The following LAD1 variants were observed in gnomAD, a reference collection of about 807,000 sequenced individuals.
LAD1 encodes the protein ladinin 1.
LAD1 carries 53 observed loss-of-function variants against 54.2 expected under a neutral mutation model. The ratio of observed to expected loss-of-function variants is 0.98; its 90% CI spans 0.78 to 1.23. LAD1 has a LOEUF of 1.23. Ranked by LOEUF, LAD1 falls within the 50% of genes most tolerant of loss-of-function variation. The pLI, the probability that LAD1 is intolerant of heterozygous loss-of-function variation, is 0.00. For synonymous variants in LAD1, 231 were observed against 257.7 expected (o/e 0.90, Z 0.99); for missense variants, 637 against 653.3 (o/e 0.98, Z 0.27).
intron 1 of LAD1, among the ~76,000 whole-genome samples, chr1:201,395,689 G>A (rs888497853): frequency 1.3e-5 from 2 of 152,260 alleles, no homozygotes; most frequent in Non-Finnish European, 2.9e-5. Flanking sequence ...AACCCAAGAG[G>A]TGGAGGTTGC....
chr1:201,392,262 T>C (rs1023131807), intron 1 of LAD1, among the ~76,000 whole-genome samples: 1 of 152,234 alleles, frequency 6.6e-6, no homozygotes, highest in African/African-American at 2.4e-5. Context: ...AAAATTACTT[T>C]TGAGGACCTA....
intron 1 of LAD1, among the ~76,000 whole-genome samples, chr1:201,398,940 T>C (rs1253007839): frequency 6.6e-6 from 1 of 152,138 alleles, no homozygotes; most frequent in Non-Finnish European, 1.5e-5. Context: ...TGGAGGTTAC[T>C]CCTGAACACC....
chr1:201,391,181 T>C (rs1337781985), intron 1 of LAD1: 1 of 455,892 alleles, frequency 2.2e-6, no homozygotes, highest in Non-Finnish European at 4.4e-6. Flanking sequence ...AGTTGAGCCA[T>C]GGAGCTCCAC....
Position 201,386,357 on chromosome 1 carries a change from C to A in LAD1, c.1004G>T (p.Arg335Leu). 3 of 1,481,072 alleles carry A rather than the reference C, an allele frequency of 2.0e-6. No individual in the cohort carries two copies. The highest frequency in any genetic ancestry group is 2.7e-6 in the Non-Finnish European group (3 of 1,117,172). The allele number at this position is 1,481,072 out of a possible 1,614,324, so 91.7% of individuals were successfully genotyped here. A position where few individuals can be genotyped will look rare whatever the true frequency, so the allele number is the denominator to read the frequency against. The change falls in exon 3 of 10, where the codon CGC becomes CTC. Residue 335 changes from arginine to leucine, a missense_variant. By Grantham distance (102) the Arg-to-Leu change is moderately radical (BLOSUM62 -2). Coordinates refer to ENST00000391967, the MANE Select transcript of LAD1 (RefSeq NM_005558.4). The part of the protein sequence containing the change: ...GASDPPTVAS[R>L]LPPVTLQVKI... ...AACCTGGAGTGTGACGGGTGGGAGG[C>A]GGGAGGCCACAGTCGGAGGGTCTGA...
At chr1:201,384,098 G>A (rs1226643079) in intron 5 of LAD1, among the ~76,000 whole-genome samples, 2 of 152,158 alleles carry the variant, frequency 1.3e-5, no homozygotes, top group Admixed American at 6.5e-5. Context: ...TGGCCAGTAT[G>A]TAATGTTCTC....
chr1:201,389,033 A>T, intron 2 of LAD1, 127 bp downstream of exon 2: 1 of 1,128,232 alleles, frequency 8.9e-7, no homozygotes, highest in Admixed American at 2.2e-5. Context: ...GGGAACTGGA[A>T]ATTCATCATC....
In LAD1 at chr1:201,387,131, G is replaced by T. The variant is rs375408134; in HGVS notation, c.230C>A (p.Ala77Asp). 1.3e-5 allele frequency: 20 copies of T among 1,549,910 alleles called. No individual in the cohort carries two copies. Among genetic ancestry groups the T allele is most frequent in the Non-Finnish European group, 1.7e-5 (20 of 1,151,344 alleles). Residue 77 changes from alanine (A) to aspartate (D), a missense_variant, in exon 3 of 10, where the codon GCC becomes GAC. Ala to Asp is a moderately radical substitution (Grantham distance 126, BLOSUM62 -2). Coordinates refer to ENST00000391967, the MANE Select transcript of LAD1 (RefSeq NM_005558.4). ...GATGTCCTCGTCCTCATCTTTGGAGGCTGGGGGCAGTGGCTTGGGCACCTC... is the reference window on the plus strand; with the variant it reads ...GATGTCCTCGTCCTCATCTTTGGAGTCTGGGGGCAGTGGCTTGGGCACCTC... ...EAEVPKPLPP[A>D]SKDEDEDIQS...
intron 2 of LAD1, among the ~76,000 whole-genome samples, chr1:201,387,796 C>A: frequency 6.6e-6 from 1 of 152,098 alleles, no homozygotes; most frequent in African/African-American, 2.4e-5. Flanking sequence ...TTGGGGGACC[C>A]AAAGAAACAA....
intron 7 of LAD1, 114 bp from the exon 8 acceptor site, chr1:201,382,853 T>C (rs1320419105): frequency 6.2e-6 from 6 of 962,606 alleles, no homozygotes; most frequent in African/African-American, 3.2e-5. Flanking sequence ...ATCCAGCACA[T>C]GCCACATATA....
chr1:201,398,499 T>C (rs564304097), intron 1 of LAD1, among the ~76,000 whole-genome samples: 149 of 152,242 alleles, frequency 9.8e-4, no homozygotes, highest in South Asian at 2.1e-3. Flanking sequence ...GGGGCCTTCT[T>C]GGCAGAGGTG....
Position 201,392,798 on chromosome 1 carries a change from A to AG in LAD1, c.39-3496_39-3495insC, listed in dbSNP as rs547089267. The stretch of plus-strand genomic sequence containing the variant: ...CTCTCTGGCTGCTGTATGAAAAAAA[A>AG]AAACATTGAAAGGGCCAGGGGAGAG... On this transcript the variant is annotated intron_variant, in intron 1 of 9. Coordinates refer to ENST00000391967, the MANE Select transcript of LAD1 (RefSeq NM_005558.4). 2.5e-4 allele frequency among the ~76,000 whole-genome samples: 38 copies of AG among 152,182 alleles called. No homozygotes were observed. In the East Asian group the frequency reaches 7.1e-3, roughly 29 times the overall value.
In LAD1 at chr1:201,382,720, C is replaced by A. The variant is rs547904262; in HGVS notation, c.1406G>T (p.Gly469Val). 1 of 1,605,856 alleles carries A rather than the reference C, an allele frequency of 6.2e-7. No individual in the cohort carries two copies. The highest frequency in any genetic ancestry group is 1.3e-5 in the African/African-American group (1 of 74,924). Residue 469 changes from glycine to valine, a missense_variant, in exon 8 of 10, where the codon GGG becomes GTG. By Grantham distance (109) the Gly-to-Val change is moderately radical (BLOSUM62 -3). Transcript: ENST00000391967. ...SSRKENLRLS[G>V]VVTSRLNLWI... ...CAGGTTGAGCCTTGATGTCACAACC[C>A]CTGAGAGCCTCAAGTTCTCCTAAAA...
chr1:201,397,650 T>C (rs1422737459), intron 1 of LAD1, among the ~76,000 whole-genome samples: 2 of 151,960 alleles, frequency 1.3e-5, no homozygotes, highest in Admixed American at 6.6e-5. Context: ...AGTGTCTGGT[T>C]TGTATTTTTA....
At chr1:201,383,426 G>A in intron 5 of LAD1, 37 bp from the exon 6 acceptor site, 1 of 1,599,788 alleles carries the variant, frequency 6.3e-7, no homozygotes, top group Non-Finnish European at 8.6e-7. Context: ...AGCCAAGTGA[G>A]ACACCCAGGG....
At chr1:201,382,452 C>T in intron 8 of LAD1, 126 bp from the exon 9 acceptor site, 1 of 823,228 alleles carries the variant, frequency 1.2e-6, no homozygotes, top group Non-Finnish European at 2.0e-6. Flanking sequence ...GGAACCCAGA[C>T]CCACCCCTCC....
chr1:201,391,939 T>C (rs1474256112), intron 1 of LAD1, among the ~76,000 whole-genome samples: 16 of 152,218 alleles, frequency 1.1e-4, no homozygotes, highest in Admixed American at 5.9e-4. Context: ...AAGGCCTCTT[T>C]CTTCCCTCCC....
rs995908889 is a variant in LAD1 at position 201,399,300 on chromosome 1, C to T, written c.7G>A (p.Val3Ile). 4.5e-6 allele frequency: 7 copies of T among 1,543,726 alleles called. No homozygotes were observed. The highest frequency in any genetic ancestry group is 6.1e-6 in the Non-Finnish European group (7 of 1,150,210). Residue 3 changes from valine (V) to isoleucine (I), a missense_variant, in exon 1 of 10, where the codon GTC becomes ATC. Transcript: ENST00000391967. ...AGCGCGGACCAGTCCTTCCTGCTGA[C>T]AGCCATGCTGCAGGAGCCCCGCGTG... Reference protein sequence around the residue: MAVSRKDWSALSS... With the variant: MAISRKDWSALSS...
In LAD1 at chr1:201,386,905, G is replaced by A. The variant is rs1662101898; in HGVS notation, c.456C>T (p.Gly152=). 1.2e-6 allele frequency: 2 copies of A among 1,613,788 alleles called. No homozygotes were observed. Among genetic ancestry groups the A allele is most frequent in the East Asian group, 2.2e-5 (1 of 44,876 alleles). The part of the protein sequence containing the change: ...PRRRLSREQR[G]PWALEEESLV... ...AGCTCTCCTCCTCCAGGGCCCAGGG[G>A]CCCCGCTGTTCCCGACTCAGTCTCC... is the stretch of plus-strand genomic sequence containing the variant. Residue 152 remains glycine, a synonymous_variant, in exon 3 of 10, where the codon GGC becomes GGT. Transcript: ENST00000391967.
rs1662094990 is a variant in LAD1, at chr1:201,386,636, GA to G, written c.724del (p.Ser242ArgfsTer102). ...VLEKTSVSEK[S>X]LAPGMALGSG... ...GCCCAGTGCCATCCCTGGGGCCAGC[GA>G]CTTCTCAGAGACACTGGTTTTTTCT... On this transcript the variant is annotated frameshift_variant, in exon 3 of 10. Coordinates refer to ENST00000391967, the MANE Select transcript of LAD1 (RefSeq NM_005558.4). LOFTEE classifies it high-confidence loss of function. The G allele has an allele frequency of 6.2e-7, 1 of 1,614,032 alleles. No individual in the cohort carries two copies. The highest frequency in any genetic ancestry group is 8.5e-7 in the Non-Finnish European group (1 of 1,180,014).
Sources: gnomAD v4.1 joint callset for allele counts (sites outside exome capture counted in the v4.1 genomes callset) on GRCh38, gnomAD v4.1.1 for gene constraint, MANE v1.5 for transcripts, NCBI Gene and HGNC (gene_info 2026-07-23, HGNC 2026-07-21) for gene names.